SHANK2: variants seen among roughly 807,000 people sequenced by gnomAD.
The protein encoded by SHANK2 is SH3 and multiple ankyrin repeat domains protein 2.
In SHANK2, 43 loss-of-function variants were observed where a neutral mutation model predicts 133.7. That is an observed-to-expected ratio of 0.32 (90% confidence interval 0.25 to 0.41). SHANK2 has a LOEUF of 0.41. Ranked by LOEUF, SHANK2 falls within the 10% of genes least tolerant of loss-of-function variation. The pLI, the probability that SHANK2 is intolerant of heterozygous loss-of-function variation, is 1.00. For missense variants in SHANK2, 1,994 were observed against 2,235.8 expected (o/e 0.89, Z 2.18); for synonymous variants, 1,017 against 952.8 (o/e 1.07, Z -1.24).
chr11:70,498,571 G>A (rs142272787), intron 21 of SHANK2, among the ~76,000 whole-genome samples: 57 of 152,306 alleles, frequency 3.7e-4, no homozygotes, highest in African/African-American at 1.3e-3. Context: ...CCCAGCACAG[G>A]GTCTGGGCAC....
chr11:70,730,279 G>A (rs1170658047), intron 14 of SHANK2, among the ~76,000 whole-genome samples: 1 of 152,158 alleles, frequency 6.6e-6, no homozygotes, highest in Non-Finnish European at 1.5e-5. Context: ...TAGACTGTGA[G>A]TTCCTGGCCT....
At chr11:70,586,024 A>T (rs1464198772) in intron 17 of SHANK2, among the ~76,000 whole-genome samples, 1 of 152,130 alleles carries the variant, frequency 6.6e-6, no homozygotes, top group Non-Finnish European at 1.5e-5. Context: ...GACCGATTCA[A>T]CCCTGACCTT....
At chr11:70,813,128 G>T (rs1463479384) in intron 12 of SHANK2, among the ~76,000 whole-genome samples, 1 of 152,112 alleles carries the variant, frequency 6.6e-6, no homozygotes, top group African/African-American at 2.4e-5. Context: ...GCAGGCCTCA[G>T]GGAGCTGACG....
chr11:70,801,319 C>T (rs1353435858), intron 13 of SHANK2, among the ~76,000 whole-genome samples: 1 of 152,196 alleles, frequency 6.6e-6, no homozygotes, highest in Non-Finnish European at 1.5e-5. Flanking sequence ...CAAGGGGTCC[C>T]CCCAACACGG....
At chr11:70,920,190 T>C (rs782030226) in intron 10 of SHANK2, among the ~76,000 whole-genome samples, 13 of 152,206 alleles carry the variant, frequency 8.5e-5, no homozygotes, top group African/African-American at 1.2e-4. Flanking sequence ...ACTTAATAAA[T>C]AGTAGCTACT....
At chr11:71,186,518 G>T (rs181572588) in intron 2 of SHANK2, among the ~76,000 whole-genome samples, 1 of 152,298 alleles carries the variant, frequency 6.6e-6, no homozygotes, top group Non-Finnish European at 1.5e-5. Flanking sequence ...ACTTTCCAGG[G>T]CACCGTGTGC....
At chr11:70,951,362 G>A (rs1292792384) in intron 10 of SHANK2, among the ~76,000 whole-genome samples, 2 of 150,402 alleles carry the variant, frequency 1.3e-5, no homozygotes. Flanking sequence ...ATTTCCCCTG[G>A]CGGCTGGGTG....
intron 11 of SHANK2, among the ~76,000 whole-genome samples, chr11:70,888,866 T>G (rs932151039): frequency 6.6e-6 from 1 of 151,512 alleles, no homozygotes; most frequent in Non-Finnish European, 1.5e-5. Context: ...AAAGGCTGAC[T>G]TGGAGTGAAC....
intron 14 of SHANK2, among the ~76,000 whole-genome samples, chr11:70,706,747 G>GAAA: frequency 7.2e-6 from 1 of 138,976 alleles, no homozygotes; most frequent in Admixed American, 7.2e-5. Flanking sequence ...ACACTGAAAG[G>GAAA]AAAAAAAAAA....
chr11:70,637,456 A>T (rs2061118779), intron 17 of SHANK2, among the ~76,000 whole-genome samples: 1 of 152,082 alleles, frequency 6.6e-6, no homozygotes, highest in Non-Finnish European at 1.5e-5. Context: ...TGGCCGGGCC[A>T]CGGCCAGCTC....
intron 17 of SHANK2, among the ~76,000 whole-genome samples, chr11:70,572,440 G>A (rs568850611): frequency 1.3e-5 from 2 of 152,290 alleles, no homozygotes; most frequent in South Asian, 2.1e-4. Context: ...AATTACAGCC[G>A]TGAGCCACCA....
chr11:71,103,245 T>A (rs1555097054), intron 6 of SHANK2, among the ~76,000 whole-genome samples: 1 of 152,182 alleles, frequency 6.6e-6, no homozygotes, highest in Non-Finnish European at 1.5e-5. Flanking sequence ...GGGGACCCCC[T>A]TGATTACAGA....
chr11:71,070,411 G>A (rs950480318), intron 9 of SHANK2, among the ~76,000 whole-genome samples: 1 of 152,234 alleles, frequency 6.6e-6, no homozygotes, highest in Non-Finnish European at 1.5e-5. Flanking sequence ...GCTAGGCAAG[G>A]CTGGAAATCA....
chr11:71,227,759 C>T (rs1323803592), intron 1 of SHANK2, among the ~76,000 whole-genome samples: 1 of 152,044 alleles, frequency 6.6e-6, no homozygotes, highest in Non-Finnish European at 1.5e-5. Context: ...CAGCAGAATT[C>T]ACATTCTTTT....
intron 17 of SHANK2, among the ~76,000 whole-genome samples, chr11:70,607,201 C>T (rs566333306): frequency 2.2e-4 from 34 of 152,318 alleles, no homozygotes; most frequent in Non-Finnish European, 3.1e-4. Flanking sequence ...AATGTGGCTC[C>T]GGGGTCTGGG....
At chr11:70,642,283 A>T (rs2061193713) in intron 17 of SHANK2, among the ~76,000 whole-genome samples, 1 of 133,124 alleles carries the variant, frequency 7.5e-6, no homozygotes, top group Admixed American at 8.8e-5. Flanking sequence ...AAAAATGCCC[A>T]TGGGTCTTAA....
chr11:70,485,388 G>C lies in SHANK2; in HGVS notation c.4905C>G (p.Asn1635Lys), dbSNP rs2058786988. The change falls in exon 25 of 26, where the codon AAC becomes AAG. Residue 1635 changes from asparagine to lysine, a missense_variant. Physicochemically the swap from Asn to Lys is moderately conservative, Grantham distance 94. This residue lies in a region of SHANK2 where 797 missense variants were observed against 907.4 expected (regional missense o/e 0.88). Coordinates refer to ENST00000601538, the MANE Select transcript of SHANK2 (RefSeq NM_012309.5). The surrounding 1 kb of genome is among the most constrained non-coding windows in gnomAD (Gnocchi z 5.8). ...CCCCCGGCTTTGCCAATTTCTCTCG[G>C]TTCATTTGCTGTAGGATAGAGTTCA... ...SELNSILQQMNREKLAKPGEG... is the reference protein window; with the variant it reads ...SELNSILQQMKREKLAKPGEG... 6.2e-7 allele frequency: 1 copy of C among 1,614,072 alleles called. No individual in the cohort carries two copies. Among genetic ancestry groups the C allele is most frequent in the Non-Finnish European group, 8.5e-7 (1 of 1,180,046 alleles).
At chr11:71,098,018 A>C (rs1273396565) in intron 6 of SHANK2, among the ~76,000 whole-genome samples, 1 of 110,254 alleles carries the variant, frequency 9.1e-6, no homozygotes, top group African/African-American at 3.6e-5. Flanking sequence ...ATGTGTGCCT[A>C]TGTGTGTGCA....
intron 2 of SHANK2, among the ~76,000 whole-genome samples, chr11:71,181,723 G>A (rs1953561671): frequency 6.6e-6 from 1 of 152,192 alleles, no homozygotes. Context: ...ACGGAACCAG[G>A]ACAACAAAGA....
Sources: allele counts gnomAD v4.1 joint callset (sites outside exome capture counted in the v4.1 genomes callset), GRCh38; gene constraint gnomAD v4.1.1; regional missense constraint gnomAD v4.1.1; non-coding constraint Gnocchi (gnomAD v3.1); transcripts MANE v1.5; gene names NCBI Gene and HGNC (gene_info 2026-07-23, HGNC 2026-07-21).